Variants in NALF2 observed in about 807,000 individuals in gnomAD.
NALF2 encodes the protein NALCN channel auxiliary factor 2.
Under a neutral mutation model 24.8 loss-of-function variants are expected in NALF2, and 1 was observed. The observed-to-expected ratio is 0.04, with a 90% CI of 0.01 to 0.19. NALF2 has a LOEUF of 0.19. Ranked by LOEUF, NALF2 falls within the 10% of genes least tolerant of loss-of-function variation. The pLI is 1.00. For synonymous variants in NALF2, 254 were observed against 189.8 expected (o/e 1.34, Z -2.78); for missense variants, 458 against 409.6 (o/e 1.12, Z -1.02).
chrX:69,522,030 A>G (rs1930742290), intron 1 of NALF2, among the ~76,000 whole-genome samples: 1 of 112,235 alleles, frequency 8.9e-6, no homozygotes, highest in Non-Finnish European at 1.9e-5. Flanking sequence ...TGGCACCAGT[A>G]GAGCTAGTAA....
At chrX:69,515,184 G>A (rs1322910387) in intron 1 of NALF2, among the ~76,000 whole-genome samples, 4 of 111,462 alleles carry the variant, frequency 3.6e-5, no homozygotes, top group Non-Finnish European at 5.6e-5. Context: ...ACAATACAGC[G>A]GTTTATAAAG....
Position 69,505,052 on chromosome X carries a change from C to A in NALF2, c.-231C>A, listed in dbSNP as rs1930433908. On this transcript the variant is annotated 5_prime_UTR_variant, in exon 1 of 3. Coordinates refer to ENST00000252338, the MANE Select transcript of NALF2 (RefSeq NM_015686.3). ...CAGCGCCTAGCGGGCCGGGCGGCGG[C>A]GCCCGGGCTGAGAGCGACGGAGCGC... 9.5e-6 allele frequency among the ~76,000 whole-genome samples: 1 copy of A among 105,621 alleles called. No homozygotes were observed. The highest frequency in any genetic ancestry group is 2.0e-5 in the Non-Finnish European group (1 of 50,599). 91.7% of individuals were successfully genotyped at this position (105,621 alleles called of 115,157 possible).
intron 1 of NALF2, among the ~76,000 whole-genome samples, chrX:69,511,657 G>A (rs1320523997): frequency 9.0e-6 from 1 of 111,444 alleles, no homozygotes; most frequent in East Asian, 2.8e-4. Flanking sequence ...GTGGGGGTTG[G>A]GGGAGTTAGG....
intron 1 of NALF2, among the ~76,000 whole-genome samples, chrX:69,528,412 T>G (rs763158315): frequency 5.5e-4 from 59 of 107,636 alleles, no homozygotes; most frequent in African/African-American, 1.8e-3. Flanking sequence ...AGGTTCCTGG[T>G]TTTTTTTTTA....
intron 1 of NALF2, among the ~76,000 whole-genome samples, chrX:69,522,245 C>T (rs1308842323): frequency 1.8e-5 from 2 of 112,019 alleles, no homozygotes; most frequent in Non-Finnish European, 3.8e-5. Context: ...TGATGGTTCT[C>T]ATGGTCCCTT....
At chrX:69,523,025 A>C (rs1930754388) in intron 1 of NALF2, among the ~76,000 whole-genome samples, 1 of 112,585 alleles carries the variant, frequency 8.9e-6, no homozygotes, top group African/African-American at 3.2e-5. Flanking sequence ...CCCCATGTGT[A>C]GCTCACATTG....
In NALF2 at chrX:69,530,394, T is replaced by G; in HGVS notation, c.*438T>G. 3 of 129,698 alleles carry G rather than the reference T, an allele frequency of 2.3e-5. No individual in the cohort carries two copies. Among genetic ancestry groups the G allele is most frequent in the Non-Finnish European group, 3.1e-5 (2 of 64,011 alleles). The allele number at this position is 129,698 out of a possible 1,213,427, so 10.7% of individuals were successfully genotyped here. A position where few individuals can be genotyped will look rare whatever the true frequency, so the allele number is the denominator to read the frequency against. ...TTCCTTTTGTTGCCAAGATCCTTAA[T>G]TCCCTCCTGCCCATATCCCTACAGG... is the stretch of plus-strand genomic sequence containing the variant. On this transcript the variant is annotated 3_prime_UTR_variant, in exon 3 of 3. Transcript: ENST00000252338.
rs951466639 is a variant in NALF2 at position 69,504,419 on chromosome X, C to T, written c.-864C>T. ...AGGGGCTCTCAAGGTGTTCTCCGCA[C>T]AGCGGAAGATGGCGACAGACTGAGG... On this transcript the variant is annotated 5_prime_UTR_variant, in exon 1 of 3. Transcript: ENST00000252338. 8.8e-6 allele frequency among the ~76,000 whole-genome samples: 1 copy of T among 113,437 alleles called. No homozygotes were observed. Among genetic ancestry groups the T allele is most frequent in the Non-Finnish European group, 1.9e-5 (1 of 53,316 alleles).
intron 1 of NALF2, among the ~76,000 whole-genome samples, chrX:69,521,224 C>T (rs1017919916): frequency 9.0e-6 from 1 of 111,710 alleles, no homozygotes; most frequent in Non-Finnish European, 1.9e-5. Context: ...TTCACACTTC[C>T]AGGCCTTTAT....
chrX:69,522,127 G>T (rs989100045), intron 1 of NALF2, among the ~76,000 whole-genome samples: 2 of 111,847 alleles, frequency 1.8e-5, no homozygotes, highest in African/African-American at 6.5e-5. Flanking sequence ...GATATGGGCT[G>T]CCCTAGGACA....
At chrX:69,517,808 A>G (rs1400465744) in intron 1 of NALF2, among the ~76,000 whole-genome samples, 2 of 112,554 alleles carry the variant, frequency 1.8e-5, no homozygotes, top group Admixed American at 9.3e-5. Context: ...AAGACCAAGC[A>G]CAGCTGACAG....
chrX:69,505,179 C>A lies in NALF2; in HGVS notation c.-104C>A. The A allele has an allele frequency of 1.2e-6, 1 of 855,559 alleles. No homozygotes were observed. The highest frequency in any genetic ancestry group is 2.9e-5 in the South Asian group (1 of 33,960). The allele number at this position is 855,559 out of a possible 1,213,427, so 70.5% of individuals were successfully genotyped here. ...CACCATGCAGCCCCCGAGGTAGAGC[C>A]TGGACGGCGCCGAGGAGCGCAGAGC... On this transcript the variant is annotated 5_prime_UTR_variant, in exon 1 of 3. In the 5' UTR this introduces an upstream ATG that the reference lacks. Transcript: ENST00000252338.
intron 1 of NALF2, among the ~76,000 whole-genome samples, chrX:69,519,811 A>G (rs1272832828): frequency 8.9e-6 from 1 of 112,009 alleles, no homozygotes; most frequent in Non-Finnish European, 1.9e-5. Context: ...ACACATAGCT[A>G]TCTTCAATTT....
In NALF2 at chrX:69,506,059, A is replaced by G; in HGVS notation, c.777A>G (p.Glu259=). 1.7e-6 allele frequency: 2 copies of G among 1,210,267 alleles called. No individual in the cohort carries two copies. Among genetic ancestry groups the G allele is most frequent in the South Asian group, 1.8e-5 (1 of 56,620 alleles). Residue 259 remains glutamate, a synonymous_variant, in exon 1 of 3, where the codon GAA becomes GAG. Transcript: ENST00000252338. The part of the protein sequence containing the change: ...AYQRLDRHAQ[E]KYDEFDLVLH... The stretch of plus-strand genomic sequence containing the variant: ...AGCGGCTGGACCGACACGCTCAGGA[A>G]AAATATGACGAGTTCGACCTCGTGC...
rs745694479 is a variant in NALF2, at chrX:69,505,578, TGCCGCC to T, written c.306_311del (p.Pro103_Pro104del). ...GTGCCTCCTCGCGCGGTGCTGCCGCTGCCGCCGCCGCCGCCCGGCGAGCCCAGCGCG... is the reference window on the plus strand; with the variant it reads ...GTGCCTCCTCGCGCGGTGCTGCCGCTGCCGCCGCCCGGCGAGCCCAGCGCG... On this transcript the variant is annotated inframe_deletion, in exon 1 of 3. Coordinates refer to ENST00000252338, the MANE Select transcript of NALF2 (RefSeq NM_015686.3). 5 of 1,010,019 alleles carry T rather than the reference TGCCGCC, an allele frequency of 5.0e-6. No individual in the cohort carries two copies. The highest frequency in any genetic ancestry group is 6.2e-6 in the Non-Finnish European group (5 of 806,453). 83.2% of individuals were successfully genotyped at this position (1,010,019 alleles called of 1,213,427 possible).
At position 69,510,452 on chromosome X, in the gene NALF2, T is replaced by A. The variant is rs185553971; in HGVS notation, c.861+4309T>A. On this transcript the variant is annotated intron_variant, in intron 1 of 2. Coordinates refer to ENST00000252338, the MANE Select transcript of NALF2 (RefSeq NM_015686.3). ...AGCAGGACTCCTTGCTAACACTGGG[T>A]ATGAGGGGTGCTGAGAGCAGGGAGC... Among the ~76,000 whole-genome samples, 28 of 111,896 alleles carry A rather than the reference T, an allele frequency of 2.5e-4. No individual in the cohort carries two copies. The East Asian group carries it at 6.8e-3, about 27-fold the overall frequency.
chrX:69,506,047 A>G lies in NALF2; in HGVS notation c.765A>G (p.Arg255=). ...NCIEAYQRLD[R]HAQEKYDEFD... The stretch of plus-strand genomic sequence containing the variant: ...TCGAGGCGTACCAGCGGCTGGACCG[A>G]CACGCTCAGGAAAAATATGACGAGT... The change falls in exon 1 of 3, where the codon CGA becomes CGG. Residue 255 remains arginine, a synonymous_variant. Transcript: ENST00000252338. The G allele has an allele frequency of 8.3e-7, 1 of 1,210,330 alleles. No homozygotes were observed.
chrX:69,519,997 T>G (rs949386443), intron 1 of NALF2, among the ~76,000 whole-genome samples: 1 of 112,120 alleles, frequency 8.9e-6, no homozygotes, highest in African/African-American at 3.2e-5. Flanking sequence ...CCTCCCTTAA[T>G]TGGCAGAATG....
At chrX:69,522,605 G>A (rs1215863476) in intron 1 of NALF2, among the ~76,000 whole-genome samples, 1 of 112,180 alleles carries the variant, frequency 8.9e-6, no homozygotes, top group Non-Finnish European at 1.9e-5. Flanking sequence ...TTATCCACCT[G>A]GATTTGCCCT....
Sources: gnomAD v4.1 joint callset for allele counts (sites outside exome capture counted in the v4.1 genomes callset) on GRCh38, gnomAD v4.1.1 for gene constraint, MANE v1.5 for transcripts, NCBI Gene and HGNC (gene_info 2026-07-23, HGNC 2026-07-21) for gene names.